Variants in PPP1R13B observed in about 807,000 individuals in gnomAD.
PPP1R13B encodes apoptosis-stimulating of p53 protein 1.
A neutral mutation model predicts 119.8 loss-of-function variants in PPP1R13B; 44 were observed. The ratio of observed to expected loss-of-function variants is 0.37; its 90% confidence interval spans 0.29 to 0.47. The LOEUF is 0.47. Ranked by LOEUF, PPP1R13B falls within the 20% of genes least tolerant of loss-of-function variation. The pLI is 0.99. For missense variants in PPP1R13B, 1,227 were observed against 1,413.5 expected (o/e 0.87, Z 2.12); for synonymous variants, 542 against 561.5 (o/e 0.97, Z 0.49).
At chr14:103,815,879 C>T (rs1052299629) in intron 1 of PPP1R13B, among the ~76,000 whole-genome samples, 1 of 151,870 alleles carries the variant, frequency 6.6e-6, no homozygotes, top group Admixed American at 6.6e-5. Context: ...GTCAGGAGAT[C>T]GAGACCATCC....
rs754858549 is a variant in PPP1R13B, at chr14:103,737,854, C to T, written c.2871G>A (p.Pro957=). 6.2e-6 allele frequency: 10 copies of T among 1,613,312 alleles called. No homozygotes were observed. The highest frequency in any genetic ancestry group is 3.3e-5 in the South Asian group (3 of 91,012). Reference sequence around the variant, plus strand: ...TGTTACAAGAGGCAGCGCAGTGCAGCGGCGTCCTGGAATAGAGCGTGGGTG... The same window carrying T: ...TGTTACAAGAGGCAGCGCAGTGCAGTGGCGTCCTGGAATAGAGCGTGGGTG... ...VNAADSDGWT[P]LHCAASCNSV... is the part of the protein sequence containing the mutation. Residue 957 remains proline, a synonymous_variant, in exon 15 of 17, where the codon CCG becomes CCA. Transcript: ENST00000202556.
intron 2 of PPP1R13B, among the ~76,000 whole-genome samples, chr14:103,796,284 AAAAT>A (rs1036328319): frequency 3.9e-5 from 6 of 152,108 alleles, no homozygotes; most frequent in South Asian, 2.1e-4. Flanking sequence ...CACTGTCTCA[AAAAT>A]AAATAAATAA....
chr14:103,783,707 C>T (rs866183248), intron 3 of PPP1R13B, among the ~76,000 whole-genome samples: 3 of 152,160 alleles, frequency 2.0e-5, no homozygotes, highest in Middle Eastern at 3.4e-3. Context: ...CATCCACCAA[C>T]ACAACCAGCT....
Position 103,808,395 on chromosome 14 carries a change from T to C in PPP1R13B, c.10-10877A>G, listed in dbSNP as rs114445930. 6.3e-3 allele frequency among the ~76,000 whole-genome samples: 962 copies of C among 152,206 alleles called. 12 individuals carry two copies. Among genetic ancestry groups the C allele is most frequent in the African/African-American group, 0.021 (886 of 41,526 alleles). ...GGCTTCCCTGGGCCACACTGGAGAA[T>C]TGTCTTGGGCTACACATAAAATACA... On this transcript the variant is annotated intron_variant, in intron 1 of 16. Coordinates refer to ENST00000202556, the MANE Select transcript of PPP1R13B (RefSeq NM_015316.3).
intron 1 of PPP1R13B, among the ~76,000 whole-genome samples, chr14:103,837,890 A>G (rs949111025): frequency 6.6e-5 from 10 of 152,126 alleles, no homozygotes; most frequent in Non-Finnish European, 1.5e-5. Context: ...AGGCCAAGGC[A>G]GACAGATCAC....
chr14:103,742,281 A>G lies in PPP1R13B; in HGVS notation c.1331T>C (p.Ile444Thr). ...LGPTEKPGIE[I>T]GKVPPPIPGV... ...CGGGATGGGAGGTGGCACTTTACCA[A>G]TCTCGATGCCCTAAGTTTAGGTGTT... is the stretch of plus-strand genomic sequence containing the variant. Residue 444 changes from isoleucine (I) to threonine (T), a missense_variant, in exon 11 of 17, where the codon ATT (isoleucine) becomes ACT (threonine). Coordinates refer to ENST00000202556, the MANE Select transcript of PPP1R13B (RefSeq NM_015316.3). The surrounding 1 kb of genome is among the most constrained non-coding windows in gnomAD (Gnocchi z 4.9). 1 of 1,558,544 alleles carries G rather than the reference A, an allele frequency of 6.4e-7. No homozygotes were observed. The highest frequency in any genetic ancestry group is 8.6e-7 in the Non-Finnish European group (1 of 1,158,604).
At chr14:103,763,900 T>C (rs2084874445) in intron 4 of PPP1R13B, 1 of 152,280 alleles carries the variant, frequency 6.6e-6, no homozygotes, top group Admixed American at 6.5e-5. Flanking sequence ...AGTCATACCA[T>C]AGGTAGTCTT....
chr14:103,811,144 T>C (rs1286165564), intron 1 of PPP1R13B, among the ~76,000 whole-genome samples: 1 of 122,572 alleles, frequency 8.2e-6, no homozygotes, highest in African/African-American at 3.0e-5. Flanking sequence ...CTGCTTGAAA[T>C]AATGGTTGCT....
chr14:103,761,583 G>T (rs774060638), intron 4 of PPP1R13B, among the ~76,000 whole-genome samples: 11 of 152,134 alleles, frequency 7.2e-5, no homozygotes, highest in Non-Finnish European at 1.5e-4. Context: ...CCAACATGGT[G>T]AAACACTGTC....
intron 12 of PPP1R13B, 74 bp downstream of exon 12, chr14:103,739,750 A>G: frequency 1.4e-6 from 2 of 1,467,108 alleles, no homozygotes; most frequent in Non-Finnish European, 1.8e-6. Context: ...AGCCTGACCA[A>G]GGGAAGGACC....
At chr14:103,842,219 A>G (rs1287387897) in intron 1 of PPP1R13B, among the ~76,000 whole-genome samples, 1 of 152,012 alleles carries the variant, frequency 6.6e-6, no homozygotes, top group Non-Finnish European at 1.5e-5. Context: ...AATAAGTAGA[A>G]TCATAGCCAC....
Position 103,736,206 on chromosome 14 carries a change from G to T in PPP1R13B, c.3032-4C>A. ...ACACCCAGCTTTTCCTGCACCCCTG[G>T]AGCCAGAGAGCAATGGTCAGGCCTC... On this transcript the variant is annotated splice_region_variant and splice_polypyrimidine_tract_variant and intron_variant, in intron 15 of 16. Transcript: ENST00000202556. 1 of 1,612,706 alleles carries T rather than the reference G, an allele frequency of 6.2e-7. No individual in the cohort carries two copies.
In PPP1R13B at chr14:103,742,626, GT is replaced by G; in HGVS notation, c.1320+27del. 1 of 1,608,120 alleles carries G rather than the reference GT, an allele frequency of 6.2e-7. No homozygotes were observed. The highest frequency in any genetic ancestry group is 8.5e-7 in the Non-Finnish European group (1 of 1,177,236). On this transcript the variant is annotated intron_variant, in intron 10 of 16. Coordinates refer to ENST00000202556, the MANE Select transcript of PPP1R13B (RefSeq NM_015316.3). The surrounding 1 kb of genome is among the most constrained non-coding windows in gnomAD (Gnocchi z 4.9). ...GAGAGCCCTGTTGAAGAGCCCGCTT[GT>G]GTTCTGTGGTAAAGACACAGGCCTA... is the stretch of plus-strand genomic sequence containing the variant.
chr14:103,744,519 C>A (rs148425251), intron 9 of PPP1R13B, among the ~76,000 whole-genome samples: 161 of 152,296 alleles, frequency 1.1e-3, no homozygotes, highest in African/African-American at 3.9e-3. Flanking sequence ...ATGTGATGAG[C>A]AGACCTTTGT....
At chr14:103,749,755 A>C in intron 8 of PPP1R13B, 39 bp downstream of exon 8, 1 of 1,598,998 alleles carries the variant, frequency 6.3e-7, no homozygotes, top group Non-Finnish European at 8.5e-7. Context: ...TGGATAAACT[A>C]TCTTTAGTAG....
In PPP1R13B at chr14:103,754,075, T is replaced by C. The variant is rs1338250193; in HGVS notation, c.626A>G (p.Asn209Ser). The C allele has an allele frequency of 1.9e-6, 3 of 1,613,978 alleles. No homozygotes were observed. The highest frequency in any genetic ancestry group is 1.1e-5 in the South Asian group (1 of 91,060). ...GGGGTGTTGCAGGCACGTACACAGA[T>C]TGCCGTTCATGATTTTGCTGTAGTC... ...QVDYSKIMNG[N>S]LSAEIERFSA... Residue 209 changes from asparagine (N) to serine (S), a missense_variant, in exon 6 of 17, where the codon AAT becomes AGT. Coordinates refer to ENST00000202556, the MANE Select transcript of PPP1R13B (RefSeq NM_015316.3).
chr14:103,790,460 C>T (rs1033313948), intron 2 of PPP1R13B, among the ~76,000 whole-genome samples: 3 of 152,092 alleles, frequency 2.0e-5, no homozygotes. Flanking sequence ...AGAGCTCTAT[C>T]TTCATAAATG....
chr14:103,846,321 TA>T (rs1396753642), intron 1 of PPP1R13B, among the ~76,000 whole-genome samples: 2 of 152,206 alleles, frequency 1.3e-5, no homozygotes, highest in Non-Finnish European at 2.9e-5. Flanking sequence ...GGATCTAATC[TA>T]AATGTCCTTG....
intron 1 of PPP1R13B, among the ~76,000 whole-genome samples, chr14:103,838,534 G>A (rs372992617): frequency 6.6e-6 from 1 of 152,138 alleles, no homozygotes; most frequent in East Asian, 1.9e-4. Context: ...GTTGTCTCGT[G>A]CATATACTGA....
Sources: allele counts gnomAD v4.1 joint callset (sites outside exome capture counted in the v4.1 genomes callset), GRCh38; gene constraint gnomAD v4.1.1; non-coding constraint Gnocchi (gnomAD v3.1); transcripts MANE v1.5; gene names NCBI Gene and HGNC (gene_info 2026-07-23, HGNC 2026-07-21).